Variants in IGSF10 observed in about 807,000 individuals in gnomAD.
The protein encoded by IGSF10 is immunoglobulin superfamily member 10, also known as calvaria mechanical force protein 608.
A neutral mutation model predicts 128.2 loss-of-function variants in IGSF10; 126 were observed. The observed-to-expected ratio is 0.98, with a 90% CI of 0.85 to 1.14. The LOEUF is 1.14. Ranked by LOEUF, IGSF10 falls within the 50% of genes most tolerant of loss-of-function variation. IGSF10 has a pLI of 0.00. For synonymous variants in IGSF10, 1,185 were observed against 1,146.2 expected (o/e 1.03, Z -0.68); for missense variants, 3,295 against 3,149.8 (o/e 1.05, Z -1.10).
chr3:151,572,205 G>T, the IGSF10 span, among the ~76,000 whole-genome samples: 432 of 152,308 alleles, frequency 2.8e-3, 2 homozygotes, highest in African/African-American at 9.9e-3. Flanking sequence ...CCTCTGCCAG[G>T]TTTTGGTATC....
the IGSF10 span, among the ~76,000 whole-genome samples, chr3:151,618,026 C>T: frequency 6.6e-6 from 1 of 152,136 alleles, no homozygotes; most frequent in Non-Finnish European, 1.5e-5. Flanking sequence ...TTCATGTTCC[C>T]TCACATTCAA....
rs369152972 is a variant in IGSF10 at position 151,446,966 on chromosome 3, C to A, written c.3015G>T (p.Pro1005=). 5 of 1,614,018 alleles carry A rather than the reference C, an allele frequency of 3.1e-6. No homozygotes were observed. Among genetic ancestry groups the A allele is most frequent in the Non-Finnish European group, 8.5e-7 (1 of 1,180,028 alleles). ...PIPRNSTVNI[P]LFRRFGRQRK... The stretch of plus-strand genomic sequence containing the variant: ...TCTGCCTCCCAAAGCGTCTGAACAG[C>A]GGGATGTTAACTGTACTATTTCTAG... The change falls in exon 6 of 8, where the codon CCG becomes CCT. Residue 1005 remains proline, a synonymous_variant. Coordinates refer to ENST00000282466, the MANE Select transcript of IGSF10 (RefSeq NM_178822.5).
chr3:151,469,770 T>C, the IGSF10 span, among the ~76,000 whole-genome samples: 1 of 152,128 alleles, frequency 6.6e-6, no homozygotes, highest in East Asian at 1.9e-4. Context: ...TAACCAATTG[T>C]AGAAGATTTA....
chr3:151,515,627 A>G, the IGSF10 span, among the ~76,000 whole-genome samples: 1 of 151,844 alleles, frequency 6.6e-6, no homozygotes, highest in African/African-American at 2.4e-5. Flanking sequence ...AATATAAAAA[A>G]TAAAAGTGCT....
In IGSF10 at chr3:151,448,264, C is replaced by T; in HGVS notation, c.1717G>A (p.Val573Ile). 6.2e-7 allele frequency: 1 copy of T among 1,614,230 alleles called. No homozygotes were observed. Among genetic ancestry groups the T allele is most frequent in the Non-Finnish European group, 8.5e-7 (1 of 1,180,038 alleles). The change falls in exon 6 of 8, where the codon GTC becomes ATC. Residue 573 changes from valine to isoleucine, a missense_variant. Val to Ile is a conservative substitution (Grantham distance 29). Transcript: ENST00000282466. ...TYRITVVEPLVEAYQENGIHH... is the reference protein window; with the variant it reads ...TYRITVVEPLIEAYQENGIHH... ...ATCCCATTTTCCTGATAGGCTTCGACCAAAGGTTCTACCACAGTTATCCTA... is the reference window on the plus strand; with the variant it reads ...ATCCCATTTTCCTGATAGGCTTCGATCAAAGGTTCTACCACAGTTATCCTA...
chr3:151,460,941 C>T lies in IGSF10; in HGVS notation c.-89+5G>A, dbSNP rs1279277783. On this transcript the variant is annotated splice_donor_5th_base_variant and intron_variant, in intron 1 of 7. Coordinates refer to ENST00000282466, the MANE Select transcript of IGSF10 (RefSeq NM_178822.5). ...TTCCGGGGAAGGATTGGCCGAGGCGCTCACCTGTTTGCCCTGGTGACCAAT... is the reference window on the plus strand; with the variant it reads ...TTCCGGGGAAGGATTGGCCGAGGCGTTCACCTGTTTGCCCTGGTGACCAAT... 1.0e-6 allele frequency: 1 copy of T among 985,268 alleles called. No homozygotes were observed. Among genetic ancestry groups the T allele is most frequent in the Non-Finnish European group, 1.2e-6 (1 of 829,928 alleles). The allele number at this position is 985,268 out of a possible 1,614,324, so 61.0% of individuals were successfully genotyped here.
At chr3:151,442,880 A>G in intron 7 of IGSF10, 104 bp downstream of exon 7, 1 of 930,382 alleles carries the variant, frequency 1.1e-6, no homozygotes, top group Non-Finnish European at 1.6e-6. Flanking sequence ...GTCTATGTGT[A>G]CTCTAAAACT....
the IGSF10 span, among the ~76,000 whole-genome samples, chr3:151,616,254 A>G: frequency 6.6e-6 from 1 of 152,144 alleles, no homozygotes; most frequent in Non-Finnish European, 1.5e-5. Flanking sequence ...GGCATGAGCC[A>G]CCGTGCCTGG....
the IGSF10 span, among the ~76,000 whole-genome samples, chr3:151,582,823 CAG>C: frequency 3.9e-5 from 6 of 152,174 alleles, no homozygotes; most frequent in Non-Finnish European, 5.9e-5. Flanking sequence ...TTCTCAAAAT[CAG>C]GGGAATTTTT....
chr3:151,497,671 T>C, the IGSF10 span, among the ~76,000 whole-genome samples: 1 of 152,312 alleles, frequency 6.6e-6, no homozygotes, highest in Admixed American at 6.5e-5. Flanking sequence ...TCTTTTTTGG[T>C]TCCATATGAA....
chr3:151,489,645 A>G, the IGSF10 span, among the ~76,000 whole-genome samples: 38 of 152,306 alleles, frequency 2.5e-4, no homozygotes, highest in African/African-American at 8.9e-4. Flanking sequence ...GCAGCCATAA[A>G]AAAGGGTGAG....
At chr3:151,498,538 T>C in the IGSF10 span, among the ~76,000 whole-genome samples, 1 of 152,102 alleles carries the variant, frequency 6.6e-6, no homozygotes, top group Non-Finnish European at 1.5e-5. Flanking sequence ...ATCCAGCATA[T>C]AAACAGAACC....
the IGSF10 span, among the ~76,000 whole-genome samples, chr3:151,466,842 G>A: frequency 6.6e-6 from 1 of 152,164 alleles, no homozygotes; most frequent in East Asian, 1.9e-4. Context: ...GCCTCCTAAA[G>A]GGCTAGGATT....
the IGSF10 span, among the ~76,000 whole-genome samples, chr3:151,598,108 T>TGTGTGTGA: frequency 6.8e-6 from 1 of 147,860 alleles, no homozygotes; most frequent in Non-Finnish European, 1.5e-5. Context: ...TGTGTGTGTG[T>TGTGTGTGA]GTGAATACTT....
chr3:151,553,001 C>T, the IGSF10 span, among the ~76,000 whole-genome samples: 1 of 152,144 alleles, frequency 6.6e-6, no homozygotes, highest in Non-Finnish European at 1.5e-5. Context: ...TTATCTCTAG[C>T]TCCTGCCCAA....
At chr3:151,533,307 C>A in the IGSF10 span, among the ~76,000 whole-genome samples, 2 of 152,132 alleles carry the variant, frequency 1.3e-5, no homozygotes, top group South Asian at 4.1e-4. Flanking sequence ...TTGGAAAAAA[C>A]TACTTTAAAT....
the IGSF10 span, among the ~76,000 whole-genome samples, chr3:151,510,581 C>T: frequency 6.6e-6 from 1 of 152,218 alleles, no homozygotes; most frequent in Non-Finnish European, 1.5e-5. Flanking sequence ...AGGAATGCAG[C>T]TCCTCACCAG....
chr3:151,463,865 T>G (rs977593235), upstream of IGSF10, among the ~76,000 whole-genome samples: 1 of 152,196 alleles, frequency 6.6e-6, no homozygotes, highest in African/African-American at 2.4e-5. Context: ...TTCTTCCTGC[T>G]TCTATTTATA....
intron 2 of IGSF10, 29 bp from the exon 3 acceptor site, chr3:151,458,739 A>C (rs754902461): frequency 2.5e-6 from 4 of 1,589,964 alleles, no homozygotes; most frequent in Admixed American, 1.7e-5. Context: ...TCAGAGTTAT[A>C]AAGAGTGGTG....
Sources: gnomAD v4.1 joint callset for allele counts (sites outside exome capture counted in the v4.1 genomes callset) on GRCh38, gnomAD v4.1.1 for gene constraint, MANE v1.5 for transcripts, NCBI Gene and HGNC (gene_info 2026-07-23, HGNC 2026-07-21) for gene names.